The following GLT8D2 variants were observed in gnomAD, a reference collection of about 807,000 sequenced individuals.
The protein encoded by GLT8D2 is glycosyltransferase 8 domain-containing protein 2.
In GLT8D2, 45 loss-of-function variants were observed where a neutral mutation model predicts 44.5. The observed-to-expected ratio is 1.01, with a 90% CI of 0.80 to 1.30. The LOEUF (loss-of-function observed/expected upper bound fraction) is 1.30, where lower values mean the gene tolerates loss of function less well. Ranked by LOEUF, GLT8D2 falls within the 50% of genes most tolerant of loss-of-function variation. GLT8D2 has a pLI of 0.00. For missense variants in GLT8D2, 400 were observed against 430.4 expected (o/e 0.93, Z 0.62); for synonymous variants, 156 against 157.2 (o/e 0.99, Z 0.06).
At chr12:104,047,248 A>G (rs931024893) in intron 1 of GLT8D2, among the ~76,000 whole-genome samples, 2 of 150,978 alleles carry the variant, frequency 1.3e-5, no homozygotes, top group African/African-American at 4.9e-5. Flanking sequence ...TGGCTCATAG[A>G]TAGCACGTTC....
At chr12:103,995,294 T>C (rs1196351441) in intron 8 of GLT8D2, among the ~76,000 whole-genome samples, 1 of 152,170 alleles carries the variant, frequency 6.6e-6, no homozygotes, top group Non-Finnish European at 1.5e-5. Context: ...TGGCCTGCCA[T>C]ACCCTATATC....
At position 104,016,856 on chromosome 12, in the gene GLT8D2, A is replaced by AAGAAAG. The variant is rs1414016074; in HGVS notation, c.20-1757_20-1752dup. Among the ~76,000 whole-genome samples, 4 of 150,926 alleles carry AAGAAAG rather than the reference A, an allele frequency of 2.7e-5. No individual in the cohort carries two copies. In the East Asian group the frequency reaches 7.8e-4, roughly 29 times the overall value. On this transcript the variant is annotated intron_variant, in intron 3 of 10. Coordinates refer to ENST00000360814, the MANE Select transcript of GLT8D2 (RefSeq NM_001384711.1). ...AAAGAAAGAAAGAAAGAAAGAAAGA[A>AAGAAAG]AGAAAGAAAGAAAGAAAGAAAGAAA...
intron 1 of GLT8D2, among the ~76,000 whole-genome samples, chr12:104,045,649 A>T (rs1413378825): frequency 2.6e-5 from 4 of 152,160 alleles, no homozygotes; most frequent in Admixed American, 6.5e-5. Context: ...GAGTTTAGGC[A>T]TGTGGCCAAA....
chr12:104,046,833 AT>A (rs368894147), intron 1 of GLT8D2, among the ~76,000 whole-genome samples: 49 of 146,966 alleles, frequency 3.3e-4, no homozygotes, highest in Admixed American at 4.7e-4. Context: ...GTCTTACTCC[AT>A]TTTTTTTTTT....
intron 1 of GLT8D2, among the ~76,000 whole-genome samples, chr12:104,033,627 C>CT (rs1879582638): frequency 6.6e-6 from 1 of 152,100 alleles, no homozygotes; most frequent in Admixed American, 6.6e-5. Flanking sequence ...TTGAAATCTA[C>CT]TAAGAGGGTA....
At chr12:104,062,721 T>A (rs539360760) in intron 1 of GLT8D2, among the ~76,000 whole-genome samples, 13 of 151,746 alleles carry the variant, frequency 8.6e-5, no homozygotes, top group Admixed American at 8.5e-4. Context: ...TGGATCCTTC[T>A]GTCTCAGCCT....
At chr12:104,052,159 C>G (rs1199577360), upstream of GLT8D2, among the ~76,000 whole-genome samples, 1 of 152,190 alleles carries the variant, frequency 6.6e-6, no homozygotes, top group Non-Finnish European at 1.5e-5. Context: ...CTCAGTTGCA[C>G]TAGTCACATT....
At chr12:104,023,577 A>G (rs970770809) in intron 1 of GLT8D2, among the ~76,000 whole-genome samples, 4 of 152,010 alleles carry the variant, frequency 2.6e-5, no homozygotes, top group African/African-American at 9.7e-5. Flanking sequence ...TTTTTTTTCT[A>G]TAGTTCTATG....
chr12:104,043,841 C>T (rs1880818976), intron 1 of GLT8D2, among the ~76,000 whole-genome samples: 1 of 152,136 alleles, frequency 6.6e-6, no homozygotes, highest in African/African-American at 2.4e-5. Context: ...TTCCTTATTC[C>T]CATGTGCACT....
At chr12:104,033,806 GTATA>G (rs34091331) in intron 1 of GLT8D2, among the ~76,000 whole-genome samples, 78 of 145,600 alleles carry the variant, frequency 5.4e-4, no homozygotes, top group South Asian at 1.1e-3. Flanking sequence ...GTGTGTGTGT[GTATA>G]TATATATATA....
chr12:104,015,750 C>A (rs1876495387), intron 3 of GLT8D2, among the ~76,000 whole-genome samples: 1 of 151,926 alleles, frequency 6.6e-6, no homozygotes, highest in East Asian at 1.9e-4. Context: ...ACCTGTAATC[C>A]CAGCACTTTG....
chr12:104,014,581 G>T (rs1478647648), intron 4 of GLT8D2, among the ~76,000 whole-genome samples: 5 of 152,196 alleles, frequency 3.3e-5, no homozygotes, highest in Admixed American at 3.3e-4. Context: ...GAATGAACCA[G>T]CAGGGAGAGG....
At chr12:104,007,233 G>GCTCTCTCTCTCTCCCTCTCTCT (rs1875154734) in intron 4 of GLT8D2, among the ~76,000 whole-genome samples, 1 of 66,286 alleles carries the variant, frequency 1.5e-5, no homozygotes, top group Non-Finnish European at 2.8e-5. Flanking sequence ...TATACTTAAA[G>GCTCTCTCTCTCTCCCTCTCTCT]CTCTCTCTCT....
intron 1 of GLT8D2, among the ~76,000 whole-genome samples, chr12:104,042,327 G>A (rs1880650926): frequency 6.6e-6 from 1 of 152,184 alleles, no homozygotes; most frequent in Non-Finnish European, 1.5e-5. Context: ...AGACCATGAG[G>A]GAGAGGTCAA....
At position 104,019,666 on chromosome 12, in the gene GLT8D2, A is replaced by C. The variant is rs953339124; in HGVS notation, c.-18T>G. 3 of 1,607,194 alleles carry C rather than the reference A, an allele frequency of 1.9e-6. No individual in the cohort carries two copies. The highest frequency in any genetic ancestry group is 2.6e-6 in the Non-Finnish European group (3 of 1,175,408). ...AGAGCCATGTGTATTCACGCGGATA[A>C]GAACTGTAACCTGTGGATTAAAGGA... is the stretch of plus-strand genomic sequence containing the variant. On this transcript the variant is annotated 5_prime_UTR_variant, in exon 3 of 11. Coordinates refer to ENST00000360814, the MANE Select transcript of GLT8D2 (RefSeq NM_001384711.1).
chr12:103,994,527 T>G, intron 8 of GLT8D2, 26 bp from the exon 9 acceptor site: 4 of 1,557,630 alleles, frequency 2.6e-6, no homozygotes, highest in Non-Finnish European at 3.5e-6. Context: ...ATGTGCATGC[T>G]TTTGACCAGC....
intron 8 of GLT8D2, among the ~76,000 whole-genome samples, chr12:103,995,437 G>T (rs888983643): frequency 2.0e-5 from 3 of 152,068 alleles, no homozygotes; most frequent in Admixed American, 1.3e-4. Context: ...TTCCTGGAGG[G>T]TTTCCCCTCT....
intron 3 of GLT8D2, among the ~76,000 whole-genome samples, chr12:104,015,392 A>AC (rs1292992242): frequency 7.4e-5 from 10 of 134,740 alleles, no homozygotes; most frequent in South Asian, 2.5e-4. Context: ...CAACAACAAC[A>AC]AACACACACA....
chr12:104,033,115 C>T (rs1336303013), intron 1 of GLT8D2, among the ~76,000 whole-genome samples: 1 of 152,116 alleles, frequency 6.6e-6, no homozygotes, highest in Non-Finnish European at 1.5e-5. Context: ...CTCCTGACCT[C>T]AGGTGATCTG....
Sources: gnomAD v4.1 joint callset for allele counts (sites outside exome capture counted in the v4.1 genomes callset) on GRCh38, gnomAD v4.1.1 for gene constraint, MANE v1.5 for transcripts, NCBI Gene and HGNC (gene_info 2026-07-23, HGNC 2026-07-21) for gene names.